SPTLC2: variants seen among roughly 807,000 people sequenced by gnomAD.
The protein encoded by SPTLC2 is serine palmitoyltransferase long chain base subunit 2, also known as serine palmitoyltransferase 2.
A neutral mutation model predicts 62.0 loss-of-function variants in SPTLC2; 21 were observed. That is an observed-to-expected ratio of 0.34 (90% CI 0.24 to 0.49). The LOEUF (loss-of-function observed/expected upper bound fraction) is 0.49, where lower values mean the gene tolerates loss of function less well. Ranked by LOEUF, SPTLC2 falls within the 20% of genes least tolerant of loss-of-function variation. The pLI is 0.99. For synonymous variants in SPTLC2, 261 were observed against 261.8 expected (o/e 1.00, Z 0.03); for missense variants, 511 against 713.0 (o/e 0.72, Z 3.23).
intron 1 of SPTLC2, among the ~76,000 whole-genome samples, chr14:77,611,668 A>G (rs1223554846): frequency 1.3e-5 from 2 of 151,958 alleles, no homozygotes; most frequent in Non-Finnish European, 2.9e-5. Flanking sequence ...TCTACTACAA[A>G]TGCAAAAATC....
chr14:77,555,771 A>C (rs2079580172), intron 7 of SPTLC2, among the ~76,000 whole-genome samples: 1 of 152,012 alleles, frequency 6.6e-6, no homozygotes, highest in Non-Finnish European at 1.5e-5. Flanking sequence ...GCCCGCCACC[A>C]CCACGCCCAG....
chr14:77,554,295 G>A (rs554656717), intron 8 of SPTLC2, among the ~76,000 whole-genome samples: 10 of 152,228 alleles, frequency 6.6e-5, no homozygotes, highest in South Asian at 4.1e-4. Context: ...AGAATTCACC[G>A]TTTTAAAGCA....
At chr14:77,601,893 C>T (rs1024111724) in intron 1 of SPTLC2, among the ~76,000 whole-genome samples, 1 of 132,296 alleles carries the variant, frequency 7.6e-6, no homozygotes, top group Admixed American at 7.9e-5. Context: ...AACTCCGGTG[C>T]CGGTCACGGA....
chr14:77,554,485 C>T (rs1224031943), intron 8 of SPTLC2, among the ~76,000 whole-genome samples: 2 of 152,200 alleles, frequency 1.3e-5, no homozygotes, highest in African/African-American at 2.4e-5. Context: ...CTAGGTATCA[C>T]ATATTTTAAA....
At chr14:77,537,203 C>T (rs1283956120) in intron 9 of SPTLC2, among the ~76,000 whole-genome samples, 1 of 151,864 alleles carries the variant, frequency 6.6e-6, no homozygotes, top group Non-Finnish European at 1.5e-5. Context: ...CAGACGTGAG[C>T]CACTGCACCT....
intron 2 of SPTLC2, among the ~76,000 whole-genome samples, chr14:77,593,410 T>C (rs945752094): frequency 2.6e-5 from 4 of 152,236 alleles, no homozygotes; most frequent in African/African-American, 9.6e-5. Flanking sequence ...AGAACATCTT[T>C]ATTAATTCAA....
At chr14:77,593,209 G>C (rs2079828075) in intron 2 of SPTLC2, among the ~76,000 whole-genome samples, 1 of 152,112 alleles carries the variant, frequency 6.6e-6, no homozygotes. Flanking sequence ...CAAAATGTTA[G>C]TTTAAAATTT....
At chr14:77,545,270 T>TG (rs571574646) in intron 9 of SPTLC2, among the ~76,000 whole-genome samples, 1 of 60,170 alleles carries the variant, frequency 1.7e-5, no homozygotes, top group Admixed American at 1.5e-4. Context: ...TATCGGGCAC[T>TG]TTTTTTTTTT....
rs1555373703 is a variant in SPTLC2, at chr14:77,529,620, C to CTTTCTTTTTTTTTTTTTT, written c.1304-8040_1304-8039insAAAAAAAAAAAAAAGAAA. ...TTCTAGGAAAGCAATTTCTTTCTTTCTTTTTTTTTTTTTTTTTTTTTTGAG... is the reference window on the plus strand; with the variant it reads ...TTCTAGGAAAGCAATTTCTTTCTTTCTTTCTTTTTTTTTTTTTTTTTTTTTTTTTTTTTTTTTTTTGAG... On this transcript the variant is annotated intron_variant, in intron 9 of 11. Coordinates refer to ENST00000216484, the MANE Select transcript of SPTLC2 (RefSeq NM_004863.4). Among the ~76,000 whole-genome samples the CTTTCTTTTTTTTTTTTTT allele has an allele frequency of 5.0e-4, 38 of 76,062 alleles. 1 individual carries two copies. Among genetic ancestry groups the CTTTCTTTTTTTTTTTTTT allele is most frequent in the Non-Finnish European group, 7.6e-4 (28 of 36,822 alleles). 49.9% of individuals were successfully genotyped at this position (76,062 alleles called of 152,430 possible).
intron 1 of SPTLC2, among the ~76,000 whole-genome samples, chr14:77,614,333 G>C (rs1353038004): frequency 6.6e-6 from 1 of 152,202 alleles, no homozygotes; most frequent in Non-Finnish European, 1.5e-5. Flanking sequence ...CAACGCTGAA[G>C]TGTGAACACC....
intron 2 of SPTLC2, among the ~76,000 whole-genome samples, chr14:77,586,886 C>T (rs76885196): frequency 6.6e-5 from 10 of 152,146 alleles, no homozygotes; most frequent in African/African-American, 2.4e-4. Context: ...ATTGAACTGG[C>T]AAAAATTTTA....
At chr14:77,528,450 C>T (rs553455984) in intron 9 of SPTLC2, among the ~76,000 whole-genome samples, 83 of 152,054 alleles carry the variant, frequency 5.5e-4, no homozygotes, top group Non-Finnish European at 1.0e-3. Context: ...AGGCTGGTCT[C>T]GAACTCCTGA....
At chr14:77,564,236 G>A (rs368418816) in intron 5 of SPTLC2, among the ~76,000 whole-genome samples, 157 of 110,604 alleles carry the variant, frequency 1.4e-3, no homozygotes, top group Middle Eastern at 5.1e-3. Flanking sequence ...TGTCTGGGGG[G>A]AAAAAAAAAA....
At chr14:77,518,767 T>G (rs2079371379) in intron 10 of SPTLC2, among the ~76,000 whole-genome samples, 1 of 152,348 alleles carries the variant, frequency 6.6e-6, no homozygotes, top group South Asian at 2.1e-4. Context: ...ACGGCACATC[T>G]TTTCTGCTAG....
At chr14:77,573,287 T>C (rs914121724) in intron 4 of SPTLC2, among the ~76,000 whole-genome samples, 1 of 152,206 alleles carries the variant, frequency 6.6e-6, no homozygotes, top group East Asian at 1.9e-4. Context: ...AGGGTGACTA[T>C]AGTTAAAAAC....
chr14:77,574,635 C>T (rs1375168070), intron 4 of SPTLC2, among the ~76,000 whole-genome samples: 1 of 152,112 alleles, frequency 6.6e-6, no homozygotes, highest in African/African-American at 2.4e-5. Context: ...GACGTGGCAC[C>T]CTCACACAAA....
intron 4 of SPTLC2, among the ~76,000 whole-genome samples, chr14:77,573,973 G>A (rs2079699235): frequency 6.6e-6 from 1 of 152,314 alleles, no homozygotes; most frequent in South Asian, 2.1e-4. Flanking sequence ...CAGCCGTGTG[G>A]TGGAGTGATG....
chr14:77,534,820 A>G (rs1308663964), intron 9 of SPTLC2, among the ~76,000 whole-genome samples: 2 of 152,150 alleles, frequency 1.3e-5, no homozygotes, highest in African/African-American at 2.4e-5. Context: ...GAAACAGACA[A>G]AACTCCTGCC....
chr14:77,575,953 C>A (rs1259056962), intron 4 of SPTLC2, among the ~76,000 whole-genome samples: 4 of 152,194 alleles, frequency 2.6e-5, no homozygotes, highest in South Asian at 2.1e-4. Context: ...CCACACAGAG[C>A]TCCAGCCACC....
Sources: gnomAD v4.1 joint callset for allele counts (sites outside exome capture counted in the v4.1 genomes callset) on GRCh38, gnomAD v4.1.1 for gene constraint, MANE v1.5 for transcripts, NCBI Gene and HGNC (gene_info 2026-07-23, HGNC 2026-07-21) for gene names.